SMURF1: variants seen among roughly 807,000 people sequenced by gnomAD.
The protein encoded by SMURF1 is E3 ubiquitin-protein ligase SMURF1.
A neutral mutation model predicts 98.0 loss-of-function variants in SMURF1; 44 were observed. The observed-to-expected ratio is 0.45, with a 90% confidence interval of 0.35 to 0.58. The LOEUF (loss-of-function observed/expected upper bound fraction) is 0.58, where lower values mean the gene tolerates loss of function less well. SMURF1 is among the 20% of genes least tolerant of loss of function. The pLI, the probability that SMURF1 is intolerant of heterozygous loss-of-function variation, is 0.00. For synonymous variants in SMURF1, 396 were observed against 374.9 expected, an observed-to-expected ratio of 1.06 and a Z score of -0.65; for missense variants, 687 against 938.4, an observed-to-expected ratio of 0.73 and a Z score of 3.50.
intron 1 of SMURF1, among the ~76,000 whole-genome samples, chr7:99,094,320 G>A (rs879332886): frequency 9.9e-5 from 15 of 152,040 alleles, no homozygotes; most frequent in African/African-American, 3.6e-4. Context: ...CAAGTTTAGG[G>A]CAATATATAT....
chr7:99,113,372 T>C (rs1797364944), intron 1 of SMURF1, among the ~76,000 whole-genome samples: 1 of 152,180 alleles, frequency 6.6e-6, no homozygotes, highest in South Asian at 2.1e-4. Flanking sequence ...TGGAATTATA[T>C]ATTCAAATTA....
chr7:99,134,315 G>A (rs1797937632), intron 1 of SMURF1, among the ~76,000 whole-genome samples: 1 of 151,978 alleles, frequency 6.6e-6, no homozygotes, highest in Admixed American at 6.6e-5. Flanking sequence ...TTCTACCCAT[G>A]TTTACAGGTA....
intron 16 of SMURF1, 76 bp downstream of exon 16, chr7:99,035,439 C>G: frequency 6.5e-7 from 1 of 1,537,542 alleles, no homozygotes; most frequent in African/African-American, 1.4e-5. Flanking sequence ...AAAAACATCC[C>G]AGCCACCTTC....
chr7:99,092,004 A>C (rs1796824749), intron 1 of SMURF1, among the ~76,000 whole-genome samples: 1 of 152,176 alleles, frequency 6.6e-6, no homozygotes, highest in South Asian at 2.1e-4. Flanking sequence ...TATTTCCCAG[A>C]TGGGTGATGG....
intron 5 of SMURF1, 47 bp downstream of exon 5, chr7:99,057,158 G>T (rs375188496): frequency 1.4e-5 from 23 of 1,602,070 alleles, no homozygotes; most frequent in East Asian, 2.2e-5. Context: ...AGGGTTGAAT[G>T]TAAGTTCTGG....
chr7:99,114,200 A>C (rs1797390925), intron 1 of SMURF1, among the ~76,000 whole-genome samples: 2 of 152,200 alleles, frequency 1.3e-5, no homozygotes, highest in Non-Finnish European at 2.9e-5. Context: ...CACTAAGAAA[A>C]TACTATTTAA....
At chr7:99,108,157 C>T (rs1380575732) in intron 1 of SMURF1, among the ~76,000 whole-genome samples, 1 of 152,156 alleles carries the variant, frequency 6.6e-6, no homozygotes, top group Non-Finnish European at 1.5e-5. Flanking sequence ...GCCATTGTTG[C>T]TGTGCAGAGC....
intron 1 of SMURF1, among the ~76,000 whole-genome samples, chr7:99,128,204 G>T (rs1209917863): frequency 6.6e-6 from 1 of 152,166 alleles, no homozygotes; most frequent in African/African-American, 2.4e-5. Context: ...CATGCCAGAT[G>T]TGCCAGGAGA....
intron 13 of SMURF1, among the ~76,000 whole-genome samples, chr7:99,039,970 A>T (rs1459199770): frequency 6.6e-6 from 1 of 152,172 alleles, no homozygotes; most frequent in Non-Finnish European, 1.5e-5. Flanking sequence ...TGAGTGTCTC[A>T]CACACACCCC....
At chr7:99,121,963 T>G (rs1311347475) in intron 1 of SMURF1, among the ~76,000 whole-genome samples, 1 of 152,174 alleles carries the variant, frequency 6.6e-6, no homozygotes, top group Non-Finnish European at 1.5e-5. Flanking sequence ...GCCATCTTGG[T>G]AGCTGCTTGA....
At chr7:99,040,580 G>A (rs200431905) in intron 12 of SMURF1, 24 bp from the exon 13 acceptor site, 12 of 1,400,620 alleles carry the variant, frequency 8.6e-6, no homozygotes, top group Middle Eastern at 2.6e-4. Context: ...CAGAGAACAC[G>A]AATTTGTCAG....
In SMURF1 at chr7:99,097,984, A is replaced by G. The variant is rs1796992693; in HGVS notation, c.56-36147T>C. Among the ~76,000 whole-genome samples, 3 of 151,968 alleles carry G rather than the reference A, an allele frequency of 2.0e-5. No individual in the cohort carries two copies. In the South Asian group the frequency reaches 6.2e-4, roughly 31 times the overall value. On this transcript the variant is annotated intron_variant, in intron 1 of 17. Coordinates refer to ENST00000361368, the MANE Select transcript of SMURF1 (RefSeq NM_181349.3). ...CAGCAAAAATAGCTTTTAAGAATCAAGAGAAAAATGAAGATCTTTTTCAAC... is the reference window on the plus strand; with the variant it reads ...CAGCAAAAATAGCTTTTAAGAATCAGGAGAAAAATGAAGATCTTTTTCAAC...
At chr7:99,074,970 T>C (rs531811145) in intron 1 of SMURF1, among the ~76,000 whole-genome samples, 1 of 152,340 alleles carries the variant, frequency 6.6e-6, no homozygotes, top group South Asian at 2.1e-4. Context: ...ATTGGTACAA[T>C]GCACAATGCA....
At chr7:99,079,116 G>A (rs1796526091) in intron 1 of SMURF1, among the ~76,000 whole-genome samples, 1 of 152,228 alleles carries the variant, frequency 6.6e-6, no homozygotes, top group Admixed American at 6.5e-5. Flanking sequence ...GGATGCCCAG[G>A]TGGGAAGCCG....
Position 99,030,641 on chromosome 7 carries a change from C to CT in SMURF1, c.2138dup (p.Leu714AlafsTer104). The stretch of plus-strand genomic sequence containing the variant: ...CGGCTGTCAGCAGCTTCTCGTAGAG[C>CT]TTCTCATAGGACTCATATGGTGGAA... On this transcript the variant is annotated frameshift_variant, in exon 18 of 18. Transcript: ENST00000361368. LOFTEE classifies it high-confidence loss of function. 2 of 1,614,162 alleles carry CT rather than the reference C, an allele frequency of 1.2e-6. No homozygotes were observed. Among genetic ancestry groups the CT allele is most frequent in the Non-Finnish European group, 1.7e-6 (2 of 1,180,032 alleles).
At chr7:99,091,995 A>G (rs560852483) in intron 1 of SMURF1, among the ~76,000 whole-genome samples, 24 of 152,252 alleles carry the variant, frequency 1.6e-4, no homozygotes, top group African/African-American at 4.8e-4. Context: ...CGGTTTGGCT[A>G]TTTCCCAGAT....
chr7:99,129,864 G>T (rs980331696), intron 1 of SMURF1, among the ~76,000 whole-genome samples: 1 of 152,188 alleles, frequency 6.6e-6, no homozygotes. Context: ...CTTCAGCGAA[G>T]CATCTTACAA....
chr7:99,051,209 G>C, intron 8 of SMURF1, 148 bp downstream of exon 8: 2 of 819,400 alleles, frequency 2.4e-6, no homozygotes, highest in South Asian at 1.6e-5. Flanking sequence ...CCCCACCCCA[G>C]CTTATCTGAA....
chr7:99,063,238 T>TATATATATATATATATATATATATG (rs1491463254), intron 1 of SMURF1, among the ~76,000 whole-genome samples: 1 of 5,050 alleles, frequency 2.0e-4, no homozygotes, highest in Non-Finnish European at 1.4e-3. Context: ...ATATAAGATT[T>TATATATATATATATATATATATATG]ATTTATATAT....
Sources: gnomAD v4.1 joint callset for allele counts (sites outside exome capture counted in the v4.1 genomes callset) on GRCh38, gnomAD v4.1.1 for gene constraint, MANE v1.5 for transcripts, NCBI Gene and HGNC (gene_info 2026-07-23, HGNC 2026-07-21) for gene names.